The following BBS9 variants were observed in gnomAD, a reference collection of about 807,000 sequenced individuals.
BBS9 encodes the protein Bardet-Biedl syndrome 9, also known as protein PTHB1.
BBS9 carries 89 observed loss-of-function variants against 117.7 expected under a neutral mutation model. The ratio of observed to expected loss-of-function variants is 0.76; its 90% confidence interval spans 0.64 to 0.90. BBS9 has a LOEUF of 0.90. BBS9 is among the 40% of genes least tolerant of loss of function. The probability of loss-of-function intolerance (pLI) is 0.00; values close to 1 mark genes in which losing one functional copy is unlikely to be tolerated. For synonymous variants in BBS9, 379 were observed against 370.9 expected, an observed-to-expected ratio of 1.02 and a Z score of -0.25; for missense variants, 982 against 1,042.2, an observed-to-expected ratio of 0.94 and a Z score of 0.80.
intron 9 of BBS9, among the ~76,000 whole-genome samples, chr7:33,305,182 T>C (rs1190990419): frequency 6.6e-6 from 1 of 151,900 alleles, no homozygotes; most frequent in African/African-American, 2.4e-5. Flanking sequence ...TTGTCCTTCA[T>C]TCTGTTGATT....
At chr7:33,241,163 G>A (rs1292997192) in intron 5 of BBS9, among the ~76,000 whole-genome samples, 1 of 152,056 alleles carries the variant, frequency 6.6e-6, no homozygotes, top group African/African-American at 2.4e-5. Flanking sequence ...ATTGCTTGGT[G>A]GCTATTGTGA....
intron 20 of BBS9, among the ~76,000 whole-genome samples, chr7:33,519,942 T>C (rs1283517843): frequency 6.6e-6 from 1 of 152,080 alleles, no homozygotes; most frequent in African/African-American, 2.4e-5. Flanking sequence ...TACCCACTCA[T>C]AGGGTAGTCG....
chr7:33,606,776 G>T (rs762367943), downstream of BBS9, among the ~76,000 whole-genome samples: 2 of 152,012 alleles, frequency 1.3e-5, no homozygotes, highest in African/African-American at 4.8e-5. Flanking sequence ...CACATTCGAG[G>T]TCCTCTTGGA....
At chr7:33,544,709 G>A (rs538892849) in intron 21 of BBS9, among the ~76,000 whole-genome samples, 1 of 152,226 alleles carries the variant, frequency 6.6e-6, no homozygotes, top group African/African-American at 2.4e-5. Flanking sequence ...AGCATCAGCT[G>A]TAGTAGTGTG....
At chr7:33,592,801 G>C (rs941819987) in intron 21 of BBS9, among the ~76,000 whole-genome samples, 1 of 152,120 alleles carries the variant, frequency 6.6e-6, no homozygotes, top group African/African-American at 2.4e-5. Context: ...GATCATTGGG[G>C]AATGAATAGC....
chr7:33,195,279 T>C (rs1784759885), intron 5 of BBS9, among the ~76,000 whole-genome samples: 1 of 152,192 alleles, frequency 6.6e-6, no homozygotes, highest in Non-Finnish European at 1.5e-5. Flanking sequence ...GCAGGGCTGA[T>C]GTGTTATATA....
intron 17 of BBS9, among the ~76,000 whole-genome samples, chr7:33,376,613 G>C (rs922320535): frequency 6.6e-6 from 1 of 152,156 alleles, no homozygotes; most frequent in Non-Finnish European, 1.5e-5. Flanking sequence ...TTGAGGAATT[G>C]CCACACTGCT....
chr7:33,168,252 A>G (rs983931869), intron 4 of BBS9, among the ~76,000 whole-genome samples: 1 of 152,214 alleles, frequency 6.6e-6, no homozygotes, highest in East Asian at 1.9e-4. Flanking sequence ...TCAAGGTTTT[A>G]TAACACTTGA....
chr7:33,469,149 G>A (rs1455205091), intron 19 of BBS9, among the ~76,000 whole-genome samples: 2 of 144,028 alleles, frequency 1.4e-5, no homozygotes, highest in African/African-American at 2.4e-5. Context: ...TATATTGGTC[G>A]AATCTGAGGG....
intron 4 of BBS9, among the ~76,000 whole-genome samples, chr7:33,176,943 C>T (rs1233016445): frequency 1.3e-5 from 2 of 152,136 alleles, no homozygotes; most frequent in Non-Finnish European, 2.9e-5. Flanking sequence ...TTCTTCTTGG[C>T]AGACTTCAAA....
chr7:33,623,627 G>A (rs1251672694), intron 21 of BBS9, among the ~76,000 whole-genome samples: 1 of 152,008 alleles, frequency 6.6e-6, no homozygotes, highest in Non-Finnish European at 1.5e-5. Context: ...ATCTAAAAAG[G>A]CATCAACTGT....
chr7:33,323,963 G>A (rs923823068), intron 9 of BBS9, among the ~76,000 whole-genome samples: 18 of 150,446 alleles, frequency 1.2e-4, no homozygotes, highest in Non-Finnish European at 2.1e-4. Flanking sequence ...TCAGCCTCTC[G>A]AGCAGCTGAG....
At chr7:33,488,475 G>A (rs1230683297) in intron 19 of BBS9, among the ~76,000 whole-genome samples, 1 of 152,108 alleles carries the variant, frequency 6.6e-6, no homozygotes, top group South Asian at 2.1e-4. Flanking sequence ...TGATGTGAGG[G>A]GTTAGCCCTG....
intron 19 of BBS9, among the ~76,000 whole-genome samples, chr7:33,409,347 A>G (rs1488127920): frequency 6.6e-6 from 1 of 152,220 alleles, no homozygotes; most frequent in Non-Finnish European, 1.5e-5. Context: ...GATGATAGGT[A>G]GGGATCCAGT....
intron 9 of BBS9, among the ~76,000 whole-genome samples, chr7:33,274,719 G>GC (rs1214903674): frequency 6.6e-6 from 1 of 152,156 alleles, no homozygotes; most frequent in Non-Finnish European, 1.5e-5. Flanking sequence ...ACGGGGCGGG[G>GC]CACAGTGGCT....
chr7:33,266,880 C>A (rs956064495), intron 7 of BBS9, among the ~76,000 whole-genome samples: 1 of 152,002 alleles, frequency 6.6e-6, no homozygotes, highest in African/African-American at 2.4e-5. Context: ...GTAGCTGGGA[C>A]TATAGGCATG....
At chr7:33,195,374 A>G (rs1210037259) in intron 5 of BBS9, among the ~76,000 whole-genome samples, 3 of 152,130 alleles carry the variant, frequency 2.0e-5, no homozygotes, top group Non-Finnish European at 4.4e-5. Context: ...TTTCCTCTTT[A>G]ACAAACATGT....
intron 19 of BBS9, among the ~76,000 whole-genome samples, chr7:33,469,703 C>T (rs1203699264): frequency 1.3e-5 from 2 of 151,922 alleles, no homozygotes; most frequent in Non-Finnish European, 2.9e-5. Flanking sequence ...CATCAAGCAC[C>T]TCACCCCACA....
Position 33,397,942 on chromosome 7 carries a change from C to T in BBS9, c.2115+9798C>T, listed in dbSNP as rs534945017. ...GGCACATGTTTACCTGTGTAACAAA[C>T]CTGCACATCCTGCACATGTACCCTT... is the stretch of plus-strand genomic sequence containing the variant. On this transcript the variant is annotated intron_variant, in intron 19 of 22. Transcript: ENST00000242067. Among the ~76,000 whole-genome samples, 80 of 152,006 alleles carry T rather than the reference C, an allele frequency of 5.3e-4. 1 individual carries two copies. In the South Asian group the frequency reaches 0.016, roughly 31 times the overall value.
Sources: allele counts gnomAD v4.1 joint callset (sites outside exome capture counted in the v4.1 genomes callset), GRCh38; gene constraint gnomAD v4.1.1; transcripts MANE v1.5; gene names NCBI Gene and HGNC (gene_info 2026-07-23, HGNC 2026-07-21).